PKHD1L1: variants seen among roughly 807,000 people sequenced by gnomAD.
The protein encoded by PKHD1L1 is PKHD1 like 1, also known as fibrocystin-L.
PKHD1L1 carries 434 observed loss-of-function variants against 462.9 expected under a neutral mutation model. The ratio of observed to expected loss-of-function variants is 0.94; its 90% CI spans 0.87 to 1.02. The LOEUF is 1.02. Among genes scored for constraint, PKHD1L1 ranks in the 50% least tolerant of loss-of-function variants. PKHD1L1 has a pLI of 0.00. For synonymous variants in PKHD1L1, 1,781 were observed against 1,750.0 expected, an observed-to-expected ratio of 1.02 and a Z score of -0.44; for missense variants, 5,202 against 5,096.1, an observed-to-expected ratio of 1.02 and a Z score of -0.63.
intron 56 of PKHD1L1, among the ~76,000 whole-genome samples, chr8:109,482,317 T>A (rs548101877): frequency 1.3e-5 from 2 of 151,838 alleles, no homozygotes; most frequent in East Asian, 3.9e-4. Context: ...ACAAATTCAA[T>A]CTTAAAAAAA....
In PKHD1L1 at chr8:109,443,712, C is replaced by A; in HGVS notation, c.4601C>A (p.Ala1534Glu). Residue 1534 changes from alanine (A) to glutamate (E), a missense_variant, in exon 37 of 78, where the codon GCA becomes GAA. Coordinates refer to ENST00000378402, the MANE Select transcript of PKHD1L1 (RefSeq NM_177531.6). ...PENLHLGSSV[A>E]GCLATEPLCS... is the part of the protein sequence containing the mutation. The stretch of plus-strand genomic sequence containing the variant: ...AATTTGCACTTGGGAAGCTCTGTGG[C>A]AGGCTGCCTAGCAACAGAACCCCTG... 6.2e-7 allele frequency: 1 copy of A among 1,613,384 alleles called. No homozygotes were observed. The highest frequency in any genetic ancestry group is 8.5e-7 in the Non-Finnish European group (1 of 1,179,604).
chr8:109,439,049 G>A lies in PKHD1L1; in HGVS notation c.3913G>A (p.Asp1305Asn). The A allele has an allele frequency of 6.2e-7, 1 of 1,613,508 alleles. No homozygotes were observed. The highest frequency in any genetic ancestry group is 8.5e-7 in the Non-Finnish European group (1 of 1,179,630). Residue 1305 changes from aspartate to asparagine, a missense_variant, in exon 32 of 78, where the codon GAT (aspartate) becomes AAT (asparagine). Coordinates refer to ENST00000378402, the MANE Select transcript of PKHD1L1 (RefSeq NM_177531.6). ...LLPKLSPGKH[D>N]IYVEVRNWGF... ...GCCCAAGTTGTCTCCTGGAAAACAT[G>A]ATATCTATGTAGAAGTCAGAAACTG...
chr8:109,441,222 A>G, intron 33 of PKHD1L1, 53 bp from the exon 34 acceptor site: 1 of 1,271,020 alleles, frequency 7.9e-7, no homozygotes, highest in Non-Finnish European at 1.1e-6. Flanking sequence ...TCACAAAAAA[A>G]AATTTGACAA....
At chr8:109,501,749 G>A (rs959854157) in intron 67 of PKHD1L1, among the ~76,000 whole-genome samples, 5 of 152,204 alleles carry the variant, frequency 3.3e-5, no homozygotes, top group African/African-American at 1.2e-4. Context: ...TCTGAGGACA[G>A]AGATTAACTG....
Position 109,396,132 on chromosome 8 carries a change from T to C in PKHD1L1, c.917T>C (p.Val306Ala). 1 of 1,602,846 alleles carries C rather than the reference T, an allele frequency of 6.2e-7. No homozygotes were observed. The highest frequency in any genetic ancestry group is 1.7e-4 in the Middle Eastern group (1 of 6,044). ...DQTDFPVRVLVGGEPCDILNV... is the reference protein window; with the variant it reads ...DQTDFPVRVLAGGEPCDILNV... ...ACAGATTTCCCCGTCAGAGTTCTAG[T>C]TGGAGGTATTTCTCATGGTTTTTGA... Residue 306 changes from valine to alanine, a missense_variant, in exon 11 of 78, where the codon GTT (valine) becomes GCT (alanine). Coordinates refer to ENST00000378402, the MANE Select transcript of PKHD1L1 (RefSeq NM_177531.6).
intron 76 of PKHD1L1, among the ~76,000 whole-genome samples, chr8:109,524,827 C>CCTT (rs1820734456): frequency 1.0e-5 from 1 of 100,320 alleles, no homozygotes; most frequent in African/African-American, 4.3e-5. Flanking sequence ...CTTCCTTCCT[C>CCTT]CCTCCCTCCT....
At chr8:109,437,163 C>A (rs1342719832) in intron 30 of PKHD1L1, among the ~76,000 whole-genome samples, 2 of 152,176 alleles carry the variant, frequency 1.3e-5, no homozygotes, top group Non-Finnish European at 2.9e-5. Flanking sequence ...ATCCACCCCC[C>A]TCAGCCTCCC....
At chr8:109,384,604 T>G (rs928306033) in intron 5 of PKHD1L1, among the ~76,000 whole-genome samples, 6 of 152,118 alleles carry the variant, frequency 3.9e-5, no homozygotes, top group African/African-American at 1.4e-4. Context: ...ATAATGTATT[T>G]ATCACCTCCC....
chr8:109,485,308 C>G, intron 58 of PKHD1L1, 135 bp downstream of exon 58: 1 of 723,556 alleles, frequency 1.4e-6, no homozygotes. Flanking sequence ...GGCAATGATA[C>G]CCAGTGAGTG....
chr8:109,393,002 T>C (rs1812784561), intron 9 of PKHD1L1, among the ~76,000 whole-genome samples: 1 of 152,140 alleles, frequency 6.6e-6, no homozygotes, highest in South Asian at 2.1e-4. Context: ...ATAAATTACA[T>C]TCAAATTTTA....
intron 50 of PKHD1L1, chr8:109,471,055 G>A (rs1263445594): frequency 2.7e-5 from 43 of 1,588,394 alleles, no homozygotes; most frequent in Middle Eastern, 2.3e-4. Flanking sequence ...CACCTTCTGC[G>A]ATGAAATCTT....
intron 25 of PKHD1L1, among the ~76,000 whole-genome samples, chr8:109,428,684 A>G (rs563688591): frequency 6.6e-6 from 1 of 152,292 alleles, no homozygotes; most frequent in African/African-American, 2.4e-5. Context: ...TTTTCTAATC[A>G]GTCTCTTCTG....
Position 109,441,360 on chromosome 8 carries a change from C to T in PKHD1L1, c.4185C>T (p.Thr1395=). ...CAACTGGGAATATATTCAGGATTAC[C>T]AACAATGGGAAAGATTCAGGTATCA... is the stretch of plus-strand genomic sequence containing the variant. ...LHSTGNIFRI[T]NNGKDSVHGL... Residue 1395 remains threonine, a synonymous_variant, in exon 34 of 78, where the codon ACC becomes ACT. Transcript: ENST00000378402. 1 of 1,561,040 alleles carries T rather than the reference C, an allele frequency of 6.4e-7. No individual in the cohort carries two copies. The highest frequency in any genetic ancestry group is 8.7e-7 in the Non-Finnish European group (1 of 1,143,820).
Position 109,419,130 on chromosome 8 carries a change from C to T in PKHD1L1, c.2394C>T (p.Leu798=), listed in dbSNP as rs11987091. Residue 798 remains leucine (L), a synonymous_variant, in exon 22 of 78, where the codon CTC becomes CTT. Transcript: ENST00000378402. ...ACACTTGCATAGACCTTCTGGATCT[C>T]GTAAGAACGAAATACACTGGGACAA... ...WTYTCIDLLD[L]VRTKYTGTNV... 22 of 1,613,274 alleles carry T rather than the reference C, an allele frequency of 1.4e-5. No homozygotes were observed. Among genetic ancestry groups the T allele is most frequent in the Non-Finnish European group, 1.8e-5 (21 of 1,179,526 alleles).
At chr8:109,477,433 C>G (rs368740998) in intron 53 of PKHD1L1, 37 bp downstream of exon 53, 4 of 1,530,918 alleles carry the variant, frequency 2.6e-6, no homozygotes, top group South Asian at 1.2e-5. Flanking sequence ...CCTTCAATAT[C>G]TCTTAACATA....
intron 18 of PKHD1L1, 47 bp downstream of exon 18, chr8:109,408,253 C>A (rs777066956): frequency 3.9e-6 from 6 of 1,519,968 alleles, no homozygotes; most frequent in Non-Finnish European, 5.4e-6. Context: ...TGCACCCTCT[C>A]ACATCATTCA....
rs756507229 is a variant in PKHD1L1, at chr8:109,497,080, A to C, written c.10476+13A>C. On this transcript the variant is annotated intron_variant, in intron 64 of 77. Transcript: ENST00000378402. ...AATTTATTTTCAGGTAATTATGATT[A>C]AAGATGGTGATTGTTTATTTTCTTT... 12 of 1,612,770 alleles carry C rather than the reference A, an allele frequency of 7.4e-6. No homozygotes were observed. The highest frequency in any genetic ancestry group is 1.0e-5 in the Non-Finnish European group (12 of 1,179,182).
intron 50 of PKHD1L1, chr8:109,470,452 G>A: frequency 1.2e-6 from 2 of 1,601,534 alleles, no homozygotes; most frequent in Non-Finnish European, 1.7e-6. Context: ...TGAAAGGAAT[G>A]GATTGGTTAA....
Position 109,454,848 on chromosome 8 carries a change from GCACGGT to G in PKHD1L1, c.6871_6874+2del. Reference sequence around the variant, plus strand: ...CTGTGCGGGAGGGAATCCTGGATCTGCACGGTACTGTGGCCAAGTGGCTAAGGGAGT... The same window carrying G: ...CTGTGCGGGAGGGAATCCTGGATCTGACTGTGGCCAAGTGGCTAAGGGAGT... On this transcript the variant is annotated splice_donor_variant and coding_sequence_variant, in exon 45 of 78. Transcript: ENST00000378402. LOFTEE classifies it high-confidence loss of function. The G allele has an allele frequency of 1.2e-6, 2 of 1,613,256 alleles. No individual in the cohort carries two copies. Among genetic ancestry groups the G allele is most frequent in the Non-Finnish European group, 1.7e-6 (2 of 1,179,514 alleles).
Sources: gnomAD v4.1 joint callset for allele counts (sites outside exome capture counted in the v4.1 genomes callset) on GRCh38, gnomAD v4.1.1 for gene constraint, MANE v1.5 for transcripts, NCBI Gene and HGNC (gene_info 2026-07-23, HGNC 2026-07-21) for gene names.